The following BRAF variants were observed in gnomAD, a reference collection of about 807,000 sequenced individuals.
BRAF encodes serine/threonine-protein kinase B-raf.
A neutral mutation model predicts 104.6 loss-of-function variants in BRAF; 16 were observed. The ratio of observed to expected loss-of-function variants is 0.15; its 90% CI spans 0.10 to 0.23. BRAF has a LOEUF of 0.23. BRAF is among the 10% of genes least tolerant of loss of function. The pLI, the probability that BRAF is intolerant of heterozygous loss-of-function variation, is 1.00. For missense variants in BRAF, 541 were observed against 937.3 expected (o/e 0.58, Z 5.52); for synonymous variants, 310 against 341.6 (o/e 0.91, Z 1.02).
Position 140,719,924 on chromosome 7 carries a change from A to G in BRAF, c.*6570T>C, listed in dbSNP as rs922336788. On this transcript the variant is annotated 3_prime_UTR_variant, in exon 20 of 20. Coordinates refer to ENST00000644969, the MANE Select transcript of BRAF (RefSeq NM_001374258.1). ...AAGAGGAATGTGTGTGTGAGTCGCC[A>G]TAAGGTTTGGAGTGGTGAAACAGGA... 15 of 1,062,540 alleles carry G rather than the reference A, an allele frequency of 1.4e-5. No homozygotes were observed. Among genetic ancestry groups the G allele is most frequent in the South Asian group, 9.1e-5 (2 of 21,968 alleles). 65.8% of individuals were successfully genotyped at this position (1,062,540 alleles called of 1,614,324 possible).
At chr7:140,824,436 G>T (rs1382313360) in intron 3 of BRAF, 1 of 152,142 alleles carries the variant, frequency 6.6e-6, no homozygotes, top group Non-Finnish European at 1.5e-5. Flanking sequence ...TGGTACCCTT[G>T]TCAAAGATCA....
At chr7:140,792,517 T>C (rs1320714885) in intron 8 of BRAF, among the ~76,000 whole-genome samples, 3 of 152,224 alleles carry the variant, frequency 2.0e-5, no homozygotes, top group Non-Finnish European at 4.4e-5. Context: ...ATGCCTTTCA[T>C]TTCCTTAACA....
rs568871307 is a variant in BRAF at position 140,724,217 on chromosome 7, C to T, written c.*2277G>A. The T allele has an allele frequency of 1.9e-6, 2 of 1,058,166 alleles. No homozygotes were observed. Among genetic ancestry groups the T allele is most frequent in the African/African-American group, 3.3e-5 (2 of 60,562 alleles). The allele number at this position is 1,058,166 out of a possible 1,614,324, so 65.5% of individuals were successfully genotyped here. A position where few individuals can be genotyped will look rare whatever the true frequency, so the allele number is the denominator to read the frequency against. ...TGGTACCGCCCCTGCCCCTGCCCCACGGAGGCAGTCCCGGACCCAGGCTGC... is the reference window on the plus strand; with the variant it reads ...TGGTACCGCCCCTGCCCCTGCCCCATGGAGGCAGTCCCGGACCCAGGCTGC... On this transcript the variant is annotated 3_prime_UTR_variant, in exon 20 of 20. Transcript: ENST00000644969.
intron 19 of BRAF, among the ~76,000 whole-genome samples, chr7:140,728,087 C>G (rs1795712612): frequency 6.6e-6 from 1 of 152,194 alleles, no homozygotes; most frequent in Non-Finnish European, 1.5e-5. Context: ...TTGCTAATGA[C>G]TGGATGATTG....
chr7:140,739,954 G>C lies in BRAF; in HGVS notation c.2113-8C>G, dbSNP rs767199788. On this transcript the variant is annotated splice_polypyrimidine_tract_variant and splice_region_variant and intron_variant, in intron 17 of 19. Coordinates refer to ENST00000644969, the MANE Select transcript of BRAF (RefSeq NM_001374258.1). ...TCCCACCATAAAAATTATCTGGAGA[G>C]AGAAAAAAAAGGGAAATAATTCAAC... The C allele has an allele frequency of 6.2e-7, 1 of 1,608,078 alleles. No individual in the cohort carries two copies. The highest frequency in any genetic ancestry group is 8.5e-7 in the Non-Finnish European group (1 of 1,177,964).
At chr7:140,844,998 T>G (rs992823810) in intron 2 of BRAF, among the ~76,000 whole-genome samples, 1 of 151,990 alleles carries the variant, frequency 6.6e-6, no homozygotes, top group Non-Finnish European at 1.5e-5. Context: ...GAACTCACAT[T>G]TCCTGATTTC....
intron 2 of BRAF, among the ~76,000 whole-genome samples, chr7:140,845,832 T>C (rs1586381825): frequency 1.3e-5 from 2 of 151,960 alleles, no homozygotes; most frequent in African/African-American, 2.4e-5. Flanking sequence ...TGCGCACCAC[T>C]ACACACACCT....
intron 1 of BRAF, among the ~76,000 whole-genome samples, chr7:140,852,211 A>G (rs1443965906): frequency 6.6e-6 from 1 of 152,034 alleles, no homozygotes; most frequent in Non-Finnish European, 1.5e-5. Flanking sequence ...TCCATAAAAA[A>G]TACAAAAATT....
intron 18 of BRAF, among the ~76,000 whole-genome samples, chr7:140,735,701 A>T (rs1487184567): frequency 6.7e-6 from 1 of 149,566 alleles, no homozygotes; most frequent in Admixed American, 6.6e-5. Flanking sequence ...GGATTACAGG[A>T]GCGCACCACC....
intron 14 of BRAF, among the ~76,000 whole-genome samples, chr7:140,767,482 C>T (rs1799445896): frequency 6.6e-6 from 1 of 151,966 alleles, no homozygotes; most frequent in African/African-American, 2.4e-5. Context: ...TGAATGCAGG[C>T]AGGTGGGTAG....
At chr7:140,765,425 C>A (rs1223040367) in intron 14 of BRAF, among the ~76,000 whole-genome samples, 1 of 152,116 alleles carries the variant, frequency 6.6e-6, no homozygotes, top group African/African-American at 2.4e-5. Context: ...AAAGCAATGG[C>A]AACAAAAGCC....
chr7:140,724,875 C>A lies in BRAF; in HGVS notation c.*1619G>T. ...AATTTGCCATTAATACATCCGCTTT[C>A]TTTGCTATGACTGTGATTGATATTA... is the stretch of plus-strand genomic sequence containing the variant. On this transcript the variant is annotated 3_prime_UTR_variant, in exon 20 of 20. Coordinates refer to ENST00000644969, the MANE Select transcript of BRAF (RefSeq NM_001374258.1). The A allele has an allele frequency of 9.6e-7, 1 of 1,038,500 alleles. No individual in the cohort carries two copies. The highest frequency in any genetic ancestry group is 1.2e-6 in the Non-Finnish European group (1 of 862,326). The allele number at this position is 1,038,500 out of a possible 1,614,324, so 64.3% of individuals were successfully genotyped here.
rs894813799 is a variant in BRAF, at chr7:140,924,472, C to T, written c.138+94G>A. The T allele has an allele frequency of 5.3e-6, 8 of 1,508,408 alleles. No homozygotes were observed. Among genetic ancestry groups the T allele is most frequent in the Non-Finnish European group, 5.3e-6 (6 of 1,125,978 alleles). 93.4% of individuals were successfully genotyped at this position (1,508,408 alleles called of 1,614,324 possible). A position where few individuals can be genotyped will look rare whatever the true frequency, so the allele number is the denominator to read the frequency against. On this transcript the variant is annotated intron_variant, in intron 1 of 19. Transcript: ENST00000644969. This position sits in a 1 kb window ranked among gnomAD's most constrained non-coding sequence, Gnocchi z 4.2. Reference sequence around the variant, plus strand: ...GCTGGCCCGAGAAGGTGGCTGAGGGCATCAAGCCCCCACCGCCGCCTCTTT... The same window carrying T: ...GCTGGCCCGAGAAGGTGGCTGAGGGTATCAAGCCCCCACCGCCGCCTCTTT...
chr7:140,804,919 C>A (rs542623530), intron 5 of BRAF, among the ~76,000 whole-genome samples: 2 of 152,192 alleles, frequency 1.3e-5, no homozygotes, highest in South Asian at 4.2e-4. Flanking sequence ...TATCCTCCCA[C>A]CTCAGGCTGA....
intron 17 of BRAF, among the ~76,000 whole-genome samples, chr7:140,743,881 C>T (rs1161122057): frequency 6.6e-6 from 1 of 152,180 alleles, no homozygotes; most frequent in African/African-American, 2.4e-5. Flanking sequence ...CAATTCTTTA[C>T]TTTCAAAAAT....
chr7:140,741,226 A>C (rs1453805015), intron 17 of BRAF: 1 of 152,240 alleles, frequency 6.6e-6, no homozygotes. Context: ...TAATACTCAA[A>C]AAAGAATTCT....
rs1284000557 is a variant in BRAF at position 140,924,869 on chromosome 7, G to A, written c.-166C>T. On this transcript the variant is annotated 5_prime_UTR_variant, in exon 1 of 20. Coordinates refer to ENST00000644969, the MANE Select transcript of BRAF (RefSeq NM_001374258.1). This position sits in a 1 kb window ranked among gnomAD's most constrained non-coding sequence, Gnocchi z 4.2. ...GGCGCCGCGGGCGGAGGGCGCCTGG[G>A]CCACCTCAGGTACCGGCCCGCGGCC... The A allele has an allele frequency of 2.0e-5, 4 of 204,282 alleles. No homozygotes were observed. The East Asian group carries it at 3.4e-4, about 17-fold the overall frequency. The allele number at this position is 204,282 out of a possible 1,614,324, so 12.7% of individuals were successfully genotyped here. A position where few individuals can be genotyped will look rare whatever the true frequency, so the allele number is the denominator to read the frequency against.
At chr7:140,817,310 T>G (rs1284585658) in intron 3 of BRAF, among the ~76,000 whole-genome samples, 1 of 151,940 alleles carries the variant, frequency 6.6e-6, no homozygotes, top group Non-Finnish European at 1.5e-5. Flanking sequence ...AGAGAACACA[T>G]GAAAAAATGG....
chr7:140,789,855 C>A (rs961894216), intron 8 of BRAF, among the ~76,000 whole-genome samples: 2 of 152,150 alleles, frequency 1.3e-5, no homozygotes, highest in African/African-American at 4.8e-5. Context: ...CTCGGCCTCC[C>A]GAGTAGCTAG....
Sources: allele counts gnomAD v4.1 joint callset (sites outside exome capture counted in the v4.1 genomes callset), GRCh38; gene constraint gnomAD v4.1.1; non-coding constraint Gnocchi (gnomAD v3.1); transcripts MANE v1.5; gene names NCBI Gene and HGNC (gene_info 2026-07-23, HGNC 2026-07-21).